Variants in DAB2IP observed in about 807,000 individuals in gnomAD.
DAB2IP encodes disabled homolog 2-interacting protein.
In DAB2IP, 28 loss-of-function variants were observed where a neutral mutation model predicts 107.2. The observed-to-expected ratio is 0.26, with a 90% CI of 0.19 to 0.36. The LOEUF (loss-of-function observed/expected upper bound fraction) is 0.36, where lower values mean the gene tolerates loss of function less well. Ranked by LOEUF, DAB2IP falls within the 10% of genes least tolerant of loss-of-function variation. The probability of loss-of-function intolerance (pLI) is 1.00; values close to 1 mark genes in which losing one functional copy is unlikely to be tolerated. For missense variants in DAB2IP, 1,400 were observed against 1,644.7 expected, an observed-to-expected ratio of 0.85 and a Z score of 2.57; for synonymous variants, 755 against 706.4, an observed-to-expected ratio of 1.07 and a Z score of -1.09.
rs71370681 is a variant in DAB2IP at position 121,641,892 on chromosome 9, C to CCTTTCTTTCTTTCTTT, written c.41-36755_41-36740dup. Among the ~76,000 whole-genome samples, 828 of 89,304 alleles carry CCTTTCTTTCTTTCTTT rather than the reference C, an allele frequency of 9.3e-3. 26 individuals carry two copies. Among genetic ancestry groups the CCTTTCTTTCTTTCTTT allele is most frequent in the East Asian group, 0.051 (141 of 2,764 alleles). 58.6% of individuals were successfully genotyped at this position (89,304 alleles called of 152,430 possible). A position where few individuals can be genotyped will look rare whatever the true frequency, so the allele number is the denominator to read the frequency against. ...TTCTTTCTTTCTGTCCATTTCTTTC[C>CCTTTCTTTCTTTCTTT]CTTTCTTTCTTTCTTTCTTTCTTTC... On this transcript the variant is annotated intron_variant, in intron 1 of 16. Transcript: ENST00000259371.
At chr9:121,583,789 G>C in intron 1 of DAB2IP, among the ~76,000 whole-genome samples, 1 of 152,316 alleles carries the variant, frequency 6.6e-6, no homozygotes, top group East Asian at 1.9e-4. Context: ...TGGTTTTCCC[G>C]TTGTGTCCAA....
chr9:121,608,229 A>G (rs946895341), intron 1 of DAB2IP, among the ~76,000 whole-genome samples: 4 of 152,164 alleles, frequency 2.6e-5, no homozygotes, highest in African/African-American at 9.7e-5. Context: ...GAGAGGTTGC[A>G]CTGCCCGCTT....
At chr9:121,719,103 G>C (rs775884833) in intron 3 of DAB2IP, among the ~76,000 whole-genome samples, 1 of 152,156 alleles carries the variant, frequency 6.6e-6, no homozygotes, top group Non-Finnish European at 1.5e-5. Context: ...CAGAACCTCC[G>C]GGCAAACCTG....
chr9:121,675,609 G>T (rs1367660743), intron 1 of DAB2IP, among the ~76,000 whole-genome samples: 2 of 152,172 alleles, frequency 1.3e-5, no homozygotes, highest in South Asian at 2.1e-4. Flanking sequence ...TGGGTGTTGG[G>T]ACCCATGGGA....
chr9:121,689,536 TCCTCAGTCCTGGAGCTC>T (rs1829058628), intron 2 of DAB2IP, among the ~76,000 whole-genome samples: 1 of 134,024 alleles, frequency 7.5e-6, no homozygotes, highest in South Asian at 2.6e-4. Context: ...TGTTTACTGG[TCCTCAGTCCTGGAGCTC>T]CCTGGGGTCC....
intron 3 of DAB2IP, among the ~76,000 whole-genome samples, chr9:121,744,839 G>C (rs1442810862): frequency 6.6e-6 from 1 of 152,176 alleles, no homozygotes; most frequent in African/African-American, 2.4e-5. Flanking sequence ...CAGTTCTGGG[G>C]GAGGCTTTGT....
intron 3 of DAB2IP, among the ~76,000 whole-genome samples, chr9:121,707,936 C>CT (rs1830143920): frequency 6.6e-6 from 1 of 152,192 alleles, no homozygotes; most frequent in African/African-American, 2.4e-5. Flanking sequence ...CGTCAGGAAA[C>CT]TAAGTGGCTA....
intron 1 of DAB2IP, among the ~76,000 whole-genome samples, chr9:121,656,349 C>G (rs918162381): frequency 4.6e-5 from 7 of 152,180 alleles, no homozygotes; most frequent in African/African-American, 1.7e-4. Flanking sequence ...GCCTCTGGGG[C>G]AACAGCTTGG....
intron 5 of DAB2IP, 64 bp downstream of exon 5, chr9:121,759,060 A>C (rs1015280243): frequency 6.7e-7 from 1 of 1,493,552 alleles, no homozygotes; most frequent in Non-Finnish European, 9.2e-7. Context: ...AGGAGGAAAC[A>C]AGAGAGACTA....
At chr9:121,609,380 C>T (rs1405792440) in intron 1 of DAB2IP, among the ~76,000 whole-genome samples, 1 of 152,188 alleles carries the variant, frequency 6.6e-6, no homozygotes, top group Non-Finnish European at 1.5e-5. Context: ...TACAGGCTGT[C>T]TAGTGCATCT....
At chr9:121,578,546 C>G (rs1476468544) in intron 1 of DAB2IP, among the ~76,000 whole-genome samples, 1 of 151,788 alleles carries the variant, frequency 6.6e-6, no homozygotes, top group East Asian at 2.0e-4. Context: ...CCTCTCCCTC[C>G]GTCAATTCCC....
Position 121,574,068 on chromosome 9 carries a change from G to C in DAB2IP, c.40+6840G>C, listed in dbSNP as rs1430691044. Among the ~76,000 whole-genome samples, 6 of 152,208 alleles carry C rather than the reference G, an allele frequency of 3.9e-5. No individual in the cohort carries two copies. In the East Asian group the frequency reaches 9.6e-4, roughly 24 times the overall value. On this transcript the variant is annotated intron_variant, in intron 1 of 16. Transcript: ENST00000259371. ...CAATTTGAGGCCAAAATAGCCTAAT[G>C]TCATCAGGGGGCCTGATATCATGAC...
At chr9:121,589,061 C>A (rs1043051694) in intron 1 of DAB2IP, among the ~76,000 whole-genome samples, 1 of 152,148 alleles carries the variant, frequency 6.6e-6, no homozygotes, top group Admixed American at 6.5e-5. Context: ...CCCTTCCCTG[C>A]CTCCTACTCA....
intron 3 of DAB2IP, among the ~76,000 whole-genome samples, chr9:121,756,312 G>A (rs553139862): frequency 2.0e-5 from 3 of 152,214 alleles, no homozygotes; most frequent in Non-Finnish European, 2.9e-5. Context: ...TTTGGGTGCC[G>A]GGTGGCATCA....
At chr9:121,679,421 C>CACACACACACACAT (rs1828461734) in intron 2 of DAB2IP, among the ~76,000 whole-genome samples, 2 of 150,138 alleles carry the variant, frequency 1.3e-5, no homozygotes, top group Admixed American at 6.6e-5. Context: ...TGTACACACA[C>CACACACACACACAT]ACACACACAC....
chr9:121,730,010 A>G (rs1011261032), intron 3 of DAB2IP, among the ~76,000 whole-genome samples: 10 of 152,144 alleles, frequency 6.6e-5, no homozygotes, highest in Non-Finnish European at 1.5e-5. Context: ...CCTGGGGCCC[A>G]GAGGGGACCA....
At chr9:121,609,767 C>G (rs1831024646) in intron 1 of DAB2IP, among the ~76,000 whole-genome samples, 1 of 152,232 alleles carries the variant, frequency 6.6e-6, no homozygotes, top group South Asian at 2.1e-4. Flanking sequence ...GGATTCAAAC[C>G]TGGATCTCCA....
At chr9:121,688,834 G>T (rs995910464) in intron 2 of DAB2IP, among the ~76,000 whole-genome samples, 2 of 152,184 alleles carry the variant, frequency 1.3e-5, no homozygotes, top group African/African-American at 4.8e-5. Flanking sequence ...TAAGCGCAGG[G>T]TGAGCAGGGA....
intron 14 of DAB2IP, among the ~76,000 whole-genome samples, chr9:121,777,071 C>T (rs545061130): frequency 2.0e-5 from 3 of 152,278 alleles, no homozygotes; most frequent in Non-Finnish European, 4.4e-5. Flanking sequence ...CTGGCTCTGC[C>T]TATGGGTAGG....
Sources: gnomAD v4.1 joint callset for allele counts (sites outside exome capture counted in the v4.1 genomes callset) on GRCh38, gnomAD v4.1.1 for gene constraint, MANE v1.5 for transcripts, NCBI Gene and HGNC (gene_info 2026-07-23, HGNC 2026-07-21) for gene names.